DNA2: variants seen among roughly 807,000 people sequenced by gnomAD.
DNA2 encodes DNA replication helicase/nuclease 2, also known as DNA replication ATP-dependent helicase/nuclease DNA2.
A neutral mutation model predicts 119.1 loss-of-function variants in DNA2; 101 were observed. The ratio of observed to expected loss-of-function variants is 0.85; its 90% confidence interval spans 0.72 to 1.00. The LOEUF (loss-of-function observed/expected upper bound fraction) is 1.00. Ranked by LOEUF, DNA2 falls within the 50% of genes least tolerant of loss-of-function variation. The pLI is 0.00. For synonymous variants in DNA2, 366 were observed against 424.4 expected (o/e 0.86, Z 1.69); for missense variants, 1,121 against 1,255.5 (o/e 0.89, Z 1.62).
chr10:68,471,191 G>A (rs1453718044), intron 1 of DNA2, among the ~76,000 whole-genome samples: 1 of 152,092 alleles, frequency 6.6e-6, no homozygotes, highest in Non-Finnish European at 1.5e-5. Context: ...TTACCTGACC[G>A]TAGGTTCTAT....
intron 10 of DNA2, among the ~76,000 whole-genome samples, chr10:68,434,429 C>G: frequency 6.6e-6 from 1 of 152,114 alleles, no homozygotes; most frequent in East Asian, 1.9e-4. Context: ...AGGAGGATCA[C>G]TTGAGCCCAT....
rs1424122272 is a variant in DNA2, at chr10:68,449,901, G to A, written c.939+127C>T. The A allele has an allele frequency of 2.2e-5, 14 of 648,068 alleles. No individual in the cohort carries two copies. The East Asian group carries it at 3.9e-4, about 18-fold the overall frequency. The allele number at this position is 648,068 out of a possible 1,614,324, so 40.1% of individuals were successfully genotyped here. ...GCACTCCAGCCTGGCATGAACCCAG[G>A]AGGCGGAGCTTTCAGTGAGCCAAGA... is the stretch of plus-strand genomic sequence containing the variant. On this transcript the variant is annotated intron_variant, in intron 6 of 20. Transcript: ENST00000358410.
At chr10:68,453,342 T>C (rs1367354546) in intron 5 of DNA2, among the ~76,000 whole-genome samples, 2 of 152,198 alleles carry the variant, frequency 1.3e-5, no homozygotes, top group Admixed American at 1.3e-4. Context: ...TATCAACATT[T>C]CCTTAGTCTA....
In DNA2 at chr10:68,437,189, T is replaced by C. The variant is rs754298662; in HGVS notation, c.1468A>G (p.Ile490Val). The C allele has an allele frequency of 2.5e-6, 4 of 1,613,270 alleles. No homozygotes were observed. Among genetic ancestry groups the C allele is most frequent in the Non-Finnish European group, 3.4e-6 (4 of 1,179,314 alleles). The change falls in exon 10 of 21, where the codon ATA (isoleucine) becomes GTA (valine). Residue 490 changes from isoleucine to valine, a missense_variant. By Grantham distance (29) the Ile-to-Val change is conservative. Coordinates refer to ENST00000358410, the MANE Select transcript of DNA2 (RefSeq NM_001080449.3). ...GNLIRMEHVK[I>V]VCDGQYLHNF... ...TGTAAATATTGCCCATCACAAACTATCTTTACATGTTCCATTCTAATCAGG... is the reference window on the plus strand; with the variant it reads ...TGTAAATATTGCCCATCACAAACTACCTTTACATGTTCCATTCTAATCAGG...
rs529793073 is a variant in DNA2, at chr10:68,425,968, C to G, written c.2209-3078G>C. Among the ~76,000 whole-genome samples, 528 of 151,418 alleles carry G rather than the reference C, an allele frequency of 3.5e-3. 6 individuals carry two copies. The highest frequency in any genetic ancestry group is 0.012 in the African/African-American group (509 of 41,286). ...TGGCCACCACAGTGAAACCCTGTCT[C>G]TAATAAAAATACAAAAAATTAACCA... On this transcript the variant is annotated intron_variant, in intron 14 of 20. Coordinates refer to ENST00000358410, the MANE Select transcript of DNA2 (RefSeq NM_001080449.3).
At chr10:68,419,368 A>G (rs771760787) in intron 18 of DNA2, 155 bp from the exon 19 acceptor site, 14 of 615,286 alleles carry the variant, frequency 2.3e-5, no homozygotes, top group Non-Finnish European at 3.8e-5. Flanking sequence ...AATTTGCTCT[A>G]AATCTGTCCA....
intron 20 of DNA2, among the ~76,000 whole-genome samples, chr10:68,415,354 G>A (rs961512085): frequency 3.3e-5 from 5 of 149,386 alleles, no homozygotes; most frequent in African/African-American, 4.9e-5. Context: ...TCAGCTCACC[G>A]CAACCTCTGC....
chr10:68,469,646 G>T (rs1476863957), intron 2 of DNA2, among the ~76,000 whole-genome samples: 1 of 151,782 alleles, frequency 6.6e-6, no homozygotes, highest in East Asian at 1.9e-4. Flanking sequence ...TTTATTTTTA[G>T]TAGAGACTGG....
At chr10:68,465,943 T>A (rs1014148336) in intron 3 of DNA2, 131 bp from the exon 4 acceptor site, 14 of 741,090 alleles carry the variant, frequency 1.9e-5, no homozygotes, top group African/African-American at 3.7e-5. Context: ...TTAAAAAAAT[T>A]TTTTTCTGGT....
At chr10:68,433,147 T>C (rs2051843726) in intron 10 of DNA2, among the ~76,000 whole-genome samples, 1 of 152,140 alleles carries the variant, frequency 6.6e-6, no homozygotes, top group Admixed American at 6.6e-5. Flanking sequence ...CTCCTCCTCA[T>C]CCCTGCTGAA....
Position 68,437,006 on chromosome 10 carries a change from A to G in DNA2, c.1646+5T>C, listed in dbSNP as rs2051896992. The G allele has an allele frequency of 6.3e-7, 1 of 1,597,000 alleles. No individual in the cohort carries two copies. On this transcript the variant is annotated splice_donor_5th_base_variant and intron_variant, in intron 10 of 20. Coordinates refer to ENST00000358410, the MANE Select transcript of DNA2 (RefSeq NM_001080449.3). ...CTGTTATCAAAAAAAGTAACATTTC[A>G]TTACCTGTCTAATAAACAAGTTACT...
At chr10:68,468,021 A>G in intron 3 of DNA2, 102 bp downstream of exon 3, 1 of 917,506 alleles carries the variant, frequency 1.1e-6, no homozygotes. Flanking sequence ...AATACCATTT[A>G]TTTTATAGGG....
chr10:68,441,487 G>A (rs920930277), intron 9 of DNA2, among the ~76,000 whole-genome samples: 1 of 151,676 alleles, frequency 6.6e-6, no homozygotes, highest in Non-Finnish European at 1.5e-5. Flanking sequence ...TTTAAAATAC[G>A]AGTATTTAGA....
At chr10:68,453,733 A>C (rs2052149143) in intron 5 of DNA2, among the ~76,000 whole-genome samples, 1 of 152,200 alleles carries the variant, frequency 6.6e-6, no homozygotes, top group Non-Finnish European at 1.5e-5. Flanking sequence ...CATGTAGTAC[A>C]AGTGTGTAGC....
intron 4 of DNA2, among the ~76,000 whole-genome samples, chr10:68,463,898 C>T (rs1786999640): frequency 1.3e-5 from 2 of 152,070 alleles, no homozygotes; most frequent in African/African-American, 4.8e-5. Flanking sequence ...AGAGCCAGTC[C>T]AACAGAGAAG....
intron 4 of DNA2, among the ~76,000 whole-genome samples, chr10:68,462,949 T>C (rs921512320): frequency 2.0e-5 from 3 of 150,522 alleles, no homozygotes; most frequent in Non-Finnish European, 4.4e-5. Flanking sequence ...GCCAACATGG[T>C]GAAACCCCAT....
intron 8 of DNA2, among the ~76,000 whole-genome samples, chr10:68,443,770 G>A (rs1329641432): frequency 6.6e-6 from 1 of 151,990 alleles, no homozygotes; most frequent in Non-Finnish European, 1.5e-5. Flanking sequence ...GCAACACACG[G>A]TGAAATCCCG....
At position 68,461,964 on chromosome 10, in the gene DNA2, A is replaced by C. The variant is rs1034517087; in HGVS notation, c.588-2729T>G. Among the ~76,000 whole-genome samples the C allele has an allele frequency of 8.3e-4, 127 of 152,114 alleles. 1 individual carries two copies. Among genetic ancestry groups the C allele is most frequent in the Non-Finnish European group, 2.4e-4 (16 of 68,030 alleles). On this transcript the variant is annotated intron_variant, in intron 4 of 20. Transcript: ENST00000358410. ...CAAAAAAAATAAATAAGGAAGAAAG[A>C]AAGCAAAAAGAAACTGAAAAAAATG...
chr10:68,449,474 G>A (rs906027279), intron 6 of DNA2, among the ~76,000 whole-genome samples: 1 of 151,848 alleles, frequency 6.6e-6, no homozygotes, highest in Non-Finnish European at 1.5e-5. Flanking sequence ...TCAATATTTC[G>A]TACACAATTA....
Sources: allele counts gnomAD v4.1 joint callset (sites outside exome capture counted in the v4.1 genomes callset), GRCh38; gene constraint gnomAD v4.1.1; transcripts MANE v1.5; gene names NCBI Gene and HGNC (gene_info 2026-07-23, HGNC 2026-07-21).